Variants in ZDHHC21 observed in about 807,000 individuals in gnomAD.
The protein encoded by ZDHHC21 is palmitoyltransferase ZDHHC21.
Under a neutral mutation model 34.6 loss-of-function variants are expected in ZDHHC21, and 15 were observed. The observed-to-expected ratio is 0.43, with a 90% CI of 0.29 to 0.67. ZDHHC21 has a LOEUF of 0.67. Ranked by LOEUF, ZDHHC21 falls within the 30% of genes least tolerant of loss-of-function variation. The pLI, the probability that ZDHHC21 is intolerant of heterozygous loss-of-function variation, is 0.14. For missense variants in ZDHHC21, 344 were observed against 327.7 expected (o/e 1.05, Z -0.38); for synonymous variants, 142 against 101.8 (o/e 1.40, Z -2.38).
At chr9:14,604,776 T>C in the ZDHHC21 span, among the ~76,000 whole-genome samples, 2 of 152,296 alleles carry the variant, frequency 1.3e-5, no homozygotes, top group East Asian at 3.9e-4. Context: ...AAATTTTAAG[T>C]ATAGTGCAGT....
At chr9:14,685,041 CA>C (rs1440487275) in intron 2 of ZDHHC21, among the ~76,000 whole-genome samples, 1 of 152,090 alleles carries the variant, frequency 6.6e-6, no homozygotes, top group Non-Finnish European at 1.5e-5. Context: ...AAGCCTTATA[CA>C]AAAATTAATT....
At chr9:14,629,489 C>G (rs1359358078) in intron 8 of ZDHHC21, among the ~76,000 whole-genome samples, 5 of 152,076 alleles carry the variant, frequency 3.3e-5, no homozygotes, top group African/African-American at 4.8e-5. Flanking sequence ...GCGAGTATTG[C>G]AATAAAGCCG....
At chr9:14,608,721 G>T (rs958401659), downstream of ZDHHC21, among the ~76,000 whole-genome samples, 1 of 151,856 alleles carries the variant, frequency 6.6e-6, no homozygotes, top group Non-Finnish European at 1.5e-5. Flanking sequence ...TGCTCAGCTG[G>T]ATGTCTACAG....
chr9:14,640,412 C>G (rs1829143002), intron 7 of ZDHHC21, among the ~76,000 whole-genome samples: 1 of 151,666 alleles, frequency 6.6e-6, no homozygotes, highest in South Asian at 2.1e-4. Context: ...TATTATTTCT[C>G]TGCTAAAAAG....
At chr9:14,628,207 G>A (rs967906431) in intron 8 of ZDHHC21, among the ~76,000 whole-genome samples, 20 of 152,076 alleles carry the variant, frequency 1.3e-4, no homozygotes, top group Non-Finnish European at 2.6e-4. Flanking sequence ...AATGAGATTA[G>A]AATCCACTAT....
At chr9:14,643,653 T>C (rs12551707) in intron 7 of ZDHHC21, among the ~76,000 whole-genome samples, 62,903 of 152,090 alleles carry the variant, frequency 0.41, 13,190 homozygotes, top group Non-Finnish European at 0.45. Context: ...TTTGTTAAGT[T>C]TTGCCTTTCA....
chr9:14,618,868 G>C lies in ZDHHC21; in HGVS notation c.*98C>G. Reference sequence around the variant, plus strand: ...TTATGATGCCTAAGACTGGTGGGTGGATTTTAATTGACTTGAAGACTGTCA... The same window carrying C: ...TTATGATGCCTAAGACTGGTGGGTGCATTTTAATTGACTTGAAGACTGTCA... On this transcript the variant is annotated 3_prime_UTR_variant, in exon 10 of 10. Coordinates refer to ENST00000380916, the MANE Select transcript of ZDHHC21 (RefSeq NM_178566.6). The C allele has an allele frequency of 7.4e-7, 1 of 1,343,206 alleles. No individual in the cohort carries two copies. The highest frequency in any genetic ancestry group is 9.8e-7 in the Non-Finnish European group (1 of 1,021,022). 83.2% of individuals were successfully genotyped at this position (1,343,206 alleles called of 1,614,324 possible).
chr9:14,627,753 ACT>A (rs1460714410), intron 8 of ZDHHC21, among the ~76,000 whole-genome samples: 2 of 152,102 alleles, frequency 1.3e-5, no homozygotes, highest in African/African-American at 4.8e-5. Flanking sequence ...TTCTTGATTA[ACT>A]CTCTCCAAGC....
the ZDHHC21 span, among the ~76,000 whole-genome samples, chr9:14,590,673 A>G: frequency 6.6e-6 from 1 of 152,158 alleles, no homozygotes; most frequent in Non-Finnish European, 1.5e-5. Context: ...AATGAGGGTG[A>G]AAGAAAAATT....
intron 7 of ZDHHC21, among the ~76,000 whole-genome samples, chr9:14,643,829 G>C (rs1008899862): frequency 3.9e-5 from 6 of 152,166 alleles, no homozygotes; most frequent in African/African-American, 1.4e-4. Flanking sequence ...ATCCATACAT[G>C]CATGGGCTCT....
chr9:14,592,509 T>C, the ZDHHC21 span, among the ~76,000 whole-genome samples: 12 of 152,008 alleles, frequency 7.9e-5, no homozygotes, highest in African/African-American at 2.9e-4. Flanking sequence ...AAGAGCACTC[T>C]CAAATACATA....
chr9:14,660,557 T>G (rs1833202359), intron 6 of ZDHHC21, among the ~76,000 whole-genome samples: 1 of 152,064 alleles, frequency 6.6e-6, no homozygotes, highest in African/African-American at 2.4e-5. Context: ...TCTGAACATT[T>G]CAGCAGTGCT....
chr9:14,592,667 CCTAA>C, the ZDHHC21 span, among the ~76,000 whole-genome samples: 4 of 152,032 alleles, frequency 2.6e-5, no homozygotes, highest in South Asian at 2.1e-4. Context: ...AACCAACTGC[CCTAA>C]CTGACATTTA....
At chr9:14,672,269 C>T (rs2890992) in intron 5 of ZDHHC21, among the ~76,000 whole-genome samples, 131,144 of 152,072 alleles carry the variant, frequency 0.86, 56,740 homozygotes, top group South Asian at 0.93. Context: ...CACTATTCTA[C>T]AGTTTCAACT....
intron 2 of ZDHHC21, among the ~76,000 whole-genome samples, chr9:14,682,906 T>C (rs552138589): frequency 3.3e-5 from 5 of 152,242 alleles, no homozygotes; most frequent in African/African-American, 1.2e-4. Context: ...AACAACTACA[T>C]GGAAACTGAA....
chr9:14,662,755 T>C lies in ZDHHC21; in HGVS notation c.254-429A>G, dbSNP rs571017324. On this transcript the variant is annotated intron_variant, in intron 5 of 9. Coordinates refer to ENST00000380916, the MANE Select transcript of ZDHHC21 (RefSeq NM_178566.6). ...GAAATAATGCTGACCCTGGTTTCAA[T>C]TGATTAGTAAACTGAAATCAACCCT... is the stretch of plus-strand genomic sequence containing the variant. Among the ~76,000 whole-genome samples the C allele has an allele frequency of 1.2e-4, 19 of 152,338 alleles. No homozygotes were observed. In the Middle Eastern group the frequency reaches 0.01, roughly 82 times the overall value.
intron 6 of ZDHHC21, among the ~76,000 whole-genome samples, chr9:14,661,723 G>A (rs1833431081): frequency 6.6e-6 from 1 of 152,110 alleles, no homozygotes; most frequent in Admixed American, 6.6e-5. Context: ...CTTCCAACAA[G>A]TACATAATGG....
chr9:14,674,732 G>C (rs534025655), intron 3 of ZDHHC21, among the ~76,000 whole-genome samples: 1 of 151,892 alleles, frequency 6.6e-6, no homozygotes, highest in Non-Finnish European at 1.5e-5. Flanking sequence ...CAAAAGAAAT[G>C]AATACACGTG....
rs961369330 is a variant in ZDHHC21 at position 14,615,100 on chromosome 9, A to G, written c.*3866T>C. On this transcript the variant is annotated 3_prime_UTR_variant, in exon 10 of 10. Transcript: ENST00000380916. The stretch of plus-strand genomic sequence containing the variant: ...GTGATTTTATAGCAATACATGTGAA[A>G]ACACTCAAACTACCCCATGATCTAA... 6.6e-6 allele frequency: 1 copy of G among 151,678 alleles called. No homozygotes were observed. The highest frequency in any genetic ancestry group is 1.5e-5 in the Non-Finnish European group (1 of 67,694). The allele number at this position is 151,678 out of a possible 1,614,324, so 9.4% of individuals were successfully genotyped here. A position where few individuals can be genotyped will look rare whatever the true frequency, so the allele number is the denominator to read the frequency against.
Sources: gnomAD v4.1 joint callset for allele counts (sites outside exome capture counted in the v4.1 genomes callset) on GRCh38, gnomAD v4.1.1 for gene constraint, MANE v1.5 for transcripts, NCBI Gene and HGNC (gene_info 2026-07-23, HGNC 2026-07-21) for gene names.